Variants in PPP2R2B observed in about 807,000 individuals in gnomAD.
The protein encoded by PPP2R2B is serine/threonine-protein phosphatase 2A 55 kDa regulatory subunit B beta isoform.
PPP2R2B carries 5 observed loss-of-function variants against 46.0 expected under a neutral mutation model. The observed-to-expected ratio is 0.11, with a 90% CI of 0.06 to 0.23. The LOEUF is 0.23. PPP2R2B is among the 10% of genes least tolerant of loss of function. The probability of loss-of-function intolerance (pLI) is 1.00; values close to 1 mark genes in which losing one functional copy is unlikely to be tolerated. For synonymous variants in PPP2R2B, 215 were observed against 206.7 expected, an observed-to-expected ratio of 1.04 and a Z score of -0.34; for missense variants, 367 against 575.0, an observed-to-expected ratio of 0.64 and a Z score of 3.70.
intron 1 of PPP2R2B, among the ~76,000 whole-genome samples, chr5:146,901,949 G>T (rs553599160): frequency 6.6e-6 from 1 of 152,288 alleles, no homozygotes; most frequent in Admixed American, 6.5e-5. Flanking sequence ...AATTGAAAAG[G>T]TAATTAGAGC....
upstream of PPP2R2B, among the ~76,000 whole-genome samples, chr5:147,056,914 G>A (rs1325040599): frequency 3.9e-5 from 6 of 152,290 alleles, no homozygotes; most frequent in Non-Finnish European, 8.8e-5. Flanking sequence ...AGAGTCAAAT[G>A]TCCTTCATGC....
chr5:146,878,875 T>A, upstream of PPP2R2B: 1 of 1,175,810 alleles, frequency 8.5e-7, no homozygotes, highest in Non-Finnish European at 1.1e-6. The surrounding 1 kb of genome is among the most constrained non-coding windows in gnomAD (Gnocchi z 4.5). Flanking sequence ...GGCTGCTCTT[T>A]GCTGCAGTGG....
intron 1 of PPP2R2B, among the ~76,000 whole-genome samples, chr5:146,994,673 C>G (rs1158315706): frequency 6.6e-6 from 1 of 152,120 alleles, no homozygotes. Flanking sequence ...GCCTATGACT[C>G]TCTGCCTCCA....
chr5:146,969,216 T>C lies in PPP2R2B; in HGVS notation c.79+86449A>G, dbSNP rs991034606. On this transcript the variant is annotated intron_variant, in intron 1 of 8. Coordinates refer to the PPP2R2B transcript ENST00000336640. ...GGGAAAGCTTTCTGAGACAAAAATA[T>C]CTAATCTGAGACCTGAAGGAAAATA... 9.9e-5 allele frequency among the ~76,000 whole-genome samples: 15 copies of C among 152,156 alleles called. 1 individual carries two copies. The highest frequency in any genetic ancestry group is 9.8e-4 in the Admixed American group (15 of 15,270).
chr5:146,949,592 G>A (rs887073956), intron 1 of PPP2R2B, among the ~76,000 whole-genome samples: 9 of 151,936 alleles, frequency 5.9e-5, no homozygotes, highest in African/African-American at 1.9e-4. Flanking sequence ...ACAACCACTA[G>A]GTAGAACAGT....
intron 2 of PPP2R2B, among the ~76,000 whole-genome samples, chr5:146,803,524 G>A (rs1365624123): frequency 6.6e-6 from 1 of 151,958 alleles, no homozygotes; most frequent in Non-Finnish European, 1.5e-5. Flanking sequence ...CTGGGTATCA[G>A]GAGAAAAAAA....
chr5:146,724,321 T>C (rs1408976380), intron 2 of PPP2R2B, among the ~76,000 whole-genome samples: 1 of 152,076 alleles, frequency 6.6e-6, no homozygotes, highest in Non-Finnish European at 1.5e-5. Context: ...ATAGGTTTTT[T>C]TTTTTGAGGG....
intron 6 of PPP2R2B, among the ~76,000 whole-genome samples, chr5:146,642,792 C>T (rs562234781): frequency 1.2e-4 from 18 of 152,280 alleles, no homozygotes; most frequent in South Asian, 4.1e-4. Context: ...CATGGTGGCT[C>T]GCACCTGCAA....
chr5:147,066,046 T>A (rs1184580150), intron 2 of PPP2R2B, among the ~76,000 whole-genome samples: 1 of 152,094 alleles, frequency 6.6e-6, no homozygotes, highest in East Asian at 1.9e-4. Context: ...ACAGACTGAC[T>A]CCCGAGTCAG....
At chr5:146,960,232 C>G (rs1197318210) in intron 1 of PPP2R2B, among the ~76,000 whole-genome samples, 2 of 152,076 alleles carry the variant, frequency 1.3e-5, no homozygotes, top group Non-Finnish European at 2.9e-5. Context: ...GTCCTTTTTT[C>G]TGCTACAAAA....
intron 7 of PPP2R2B, among the ~76,000 whole-genome samples, chr5:146,601,683 T>G (rs1771799255): frequency 6.6e-6 from 1 of 152,270 alleles, no homozygotes; most frequent in African/African-American, 2.4e-5. Flanking sequence ...ACTGTAACTA[T>G]GATGTCTTTT....
In PPP2R2B at chr5:147,031,540, T is replaced by C. The variant is rs1202802068; in HGVS notation, c.79+24125A>G. ...AGTTCTTAAATCTGTAGTTCAATGG[T>C]TTTCATAAATTTTAGAAAAATCTCA... On this transcript the variant is annotated intron_variant, in intron 1 of 8. Transcript: ENST00000336640. 3.3e-5 allele frequency among the ~76,000 whole-genome samples: 5 copies of C among 152,156 alleles called. No individual in the cohort carries two copies. In the East Asian group the frequency reaches 9.7e-4, roughly 29 times the overall value.
intron 2 of PPP2R2B, among the ~76,000 whole-genome samples, chr5:146,877,534 G>A (rs1027685196): frequency 6.6e-6 from 1 of 152,132 alleles, no homozygotes; most frequent in African/African-American, 2.4e-5. Context: ...GTCTAAGCAG[G>A]TAACCTGGCC....
At chr5:146,936,886 A>G (rs1438952390) in intron 1 of PPP2R2B, among the ~76,000 whole-genome samples, 2 of 146,564 alleles carry the variant, frequency 1.4e-5, no homozygotes, top group Non-Finnish European at 3.0e-5. Flanking sequence ...TTTTTTCTTC[A>G]ATGCTGTCTA....
intron 6 of PPP2R2B, among the ~76,000 whole-genome samples, chr5:146,647,494 C>T (rs989039532): frequency 6.6e-6 from 1 of 152,192 alleles, no homozygotes; most frequent in East Asian, 1.9e-4. Flanking sequence ...CACTTATCAT[C>T]GTTCTCATGA....
At chr5:147,046,211 A>C (rs1756537101) in intron 1 of PPP2R2B, among the ~76,000 whole-genome samples, 1 of 152,162 alleles carries the variant, frequency 6.6e-6, no homozygotes, top group Admixed American at 6.6e-5. Context: ...ATAAATGAAT[A>C]ATTGCTCTTA....
In PPP2R2B at chr5:146,937,298, C is replaced by T. The variant is rs370157732; in HGVS notation, c.79+118367G>A. On this transcript the variant is annotated intron_variant, in intron 1 of 8. Coordinates refer to the PPP2R2B transcript ENST00000336640. ...CCTGGGTGACAGAGTGAGACTCCGT[C>T]TCAGAAAAAAAAAAAAAGGGGGGTT... 1.1e-4 allele frequency among the ~76,000 whole-genome samples: 16 copies of T among 148,836 alleles called. No homozygotes were observed. The South Asian group carries it at 1.5e-3, about 14-fold the overall frequency.
At chr5:146,701,873 C>T (rs1358877793) in intron 2 of PPP2R2B, among the ~76,000 whole-genome samples, 1 of 152,130 alleles carries the variant, frequency 6.6e-6, no homozygotes, top group Non-Finnish European at 1.5e-5. Context: ...CAGATAATTG[C>T]TGAAGGAATG....
At chr5:146,884,242 T>C (rs998644101) in intron 1 of PPP2R2B, among the ~76,000 whole-genome samples, 2 of 152,056 alleles carry the variant, frequency 1.3e-5, no homozygotes, top group African/African-American at 2.4e-5. Flanking sequence ...TCCCAAGTTA[T>C]GTCAGTTCCA....
Sources: allele counts gnomAD v4.1 joint callset (sites outside exome capture counted in the v4.1 genomes callset), GRCh38; gene constraint gnomAD v4.1.1; non-coding constraint Gnocchi (gnomAD v3.1); transcripts MANE v1.5; gene names NCBI Gene and HGNC (gene_info 2026-07-23, HGNC 2026-07-21).